Variants in ZNF148 observed in about 807,000 individuals in gnomAD.
ZNF148 encodes the protein zinc finger protein 148.
Under a neutral mutation model 67.7 loss-of-function variants are expected in ZNF148, and 7 were observed. The ratio of observed to expected loss-of-function variants is 0.10; its 90% CI spans 0.06 to 0.19. The LOEUF (loss-of-function observed/expected upper bound fraction) is 0.19. ZNF148 is among the 10% of genes least tolerant of loss of function. The pLI, the probability that ZNF148 is intolerant of heterozygous loss-of-function variation, is 1.00. For missense variants in ZNF148, 583 were observed against 947.1 expected (o/e 0.62, Z 5.05); for synonymous variants, 333 against 330.7 (o/e 1.01, Z -0.08).
At chr3:125,304,210 A>G (rs1939749971) in intron 4 of ZNF148, among the ~76,000 whole-genome samples, 1 of 152,096 alleles carries the variant, frequency 6.6e-6, no homozygotes, top group Admixed American at 6.6e-5. Context: ...ATAAGATGTC[A>G]AAGACCAAGC....
At chr3:125,339,266 CACG>C (rs1941620920) in intron 1 of ZNF148, among the ~76,000 whole-genome samples, 2 of 152,194 alleles carry the variant, frequency 1.3e-5, no homozygotes, top group South Asian at 4.1e-4. Flanking sequence ...AATGTAAAAG[CACG>C]ACAATTTATC....
At chr3:125,260,991 C>T (rs545745963) in intron 7 of ZNF148, among the ~76,000 whole-genome samples, 53 of 152,214 alleles carry the variant, frequency 3.5e-4, no homozygotes, top group African/African-American at 1.2e-3. Flanking sequence ...CTGATTACTT[C>T]AATTTGCTCA....
At chr3:125,360,501 G>C (rs1300228505) in intron 1 of ZNF148, among the ~76,000 whole-genome samples, 1 of 151,916 alleles carries the variant, frequency 6.6e-6, no homozygotes, top group African/African-American at 2.4e-5. Flanking sequence ...GCCCAGGCTG[G>C]TCTCGAACTC....
At chr3:125,328,553 T>C (rs1013834645) in intron 2 of ZNF148, among the ~76,000 whole-genome samples, 6 of 152,080 alleles carry the variant, frequency 3.9e-5, no homozygotes, top group Admixed American at 2.6e-4. Context: ...ATATACACTA[T>C]GTATGTTACC....
chr3:125,246,772 T>A (rs1464893774), intron 7 of ZNF148, among the ~76,000 whole-genome samples: 1 of 152,156 alleles, frequency 6.6e-6, no homozygotes, highest in East Asian at 1.9e-4. Context: ...AATGAAAATA[T>A]CCTTAAGCTG....
At chr3:125,303,875 C>A (rs1429132260) in intron 4 of ZNF148, among the ~76,000 whole-genome samples, 1 of 151,972 alleles carries the variant, frequency 6.6e-6, no homozygotes, top group Non-Finnish European at 1.5e-5. Context: ...AAGTACTCAA[C>A]ATGGGATACA....
At chr3:125,238,049 C>T (rs1018015887) in intron 7 of ZNF148, among the ~76,000 whole-genome samples, 1 of 152,062 alleles carries the variant, frequency 6.6e-6, no homozygotes, top group South Asian at 2.1e-4. Flanking sequence ...GTCTTTTCAA[C>T]AAATTTGATA....
Position 125,233,888 on chromosome 3 carries a change from T to A in ZNF148, c.838A>T (p.Asn280Tyr), listed in dbSNP as rs749170711. Residue 280 changes from asparagine to tyrosine, a missense_variant, in exon 9 of 9, where the codon AAT (asparagine) becomes TAT (tyrosine). Asn to Tyr is a moderately radical substitution (Grantham distance 143). Around this residue, in one of 5 missense-constraint regions of ZNF148, gnomAD observed 78 missense variants for 86.5 expected, o/e 0.90. Transcript: ENST00000360647. The surrounding 1 kb of genome is among the most constrained non-coding windows in gnomAD (Gnocchi z 5.1). ...VLKHKRMCHENHDKKLNRCAI... is the reference protein window; with the variant it reads ...VLKHKRMCHEYHDKKLNRCAI... ...CATCTATTTAGTTTTTTGTCATGATTTTCATGGCACATACGTTTATGTTTC... is the reference window on the plus strand; with the variant it reads ...CATCTATTTAGTTTTTTGTCATGATATTCATGGCACATACGTTTATGTTTC... 17 of 1,611,978 alleles carry A rather than the reference T, an allele frequency of 1.1e-5. No homozygotes were observed. The highest frequency in any genetic ancestry group is 1.2e-5 in the Non-Finnish European group (14 of 1,179,626).
intron 2 of ZNF148, among the ~76,000 whole-genome samples, chr3:125,326,774 C>A (rs1336578988): frequency 2.8e-5 from 4 of 143,508 alleles, no homozygotes; most frequent in Non-Finnish European, 4.5e-5. Context: ...ATATATATAT[C>A]TTTATATACA....
rs1296364662 is a variant in ZNF148 at position 125,337,016 on chromosome 3, CA to C, written c.-233-5779del. Reference sequence around the variant, plus strand: ...AAGCCATTTTCCATTTCTACTCTCACAAAAAAAAAAAAAAAAAATCAAGCCA... The same window carrying C: ...AAGCCATTTTCCATTTCTACTCTCACAAAAAAAAAAAAAAAAATCAAGCCA... On this transcript the variant is annotated intron_variant, in intron 1 of 8. Transcript: ENST00000360647. 8.0e-3 allele frequency among the ~76,000 whole-genome samples: 921 copies of C among 115,334 alleles called. 6 individuals carry two copies. Among genetic ancestry groups the C allele is most frequent in the African/African-American group, 0.023 (728 of 32,096 alleles). 75.7% of individuals were successfully genotyped at this position (115,334 alleles called of 152,430 possible).
At chr3:125,348,878 A>G (rs1942041678) in intron 1 of ZNF148, among the ~76,000 whole-genome samples, 1 of 152,214 alleles carries the variant, frequency 6.6e-6, no homozygotes, top group Admixed American at 6.5e-5. Context: ...TACTGGCATA[A>G]AAACAAAACA....
chr3:125,306,609 C>A (rs1939892426), intron 4 of ZNF148, among the ~76,000 whole-genome samples: 1 of 152,062 alleles, frequency 6.6e-6, no homozygotes, highest in Non-Finnish European at 1.5e-5. Context: ...TAATTTAAAA[C>A]CTTCCCACAG....
At chr3:125,309,755 TGAAA>T (rs1421348240) in intron 4 of ZNF148, among the ~76,000 whole-genome samples, 3 of 152,224 alleles carry the variant, frequency 2.0e-5, no homozygotes, top group Non-Finnish European at 4.4e-5. Flanking sequence ...AGAAACTATC[TGAAA>T]GATACACTGG....
At chr3:125,337,756 G>A (rs1481885517) in intron 1 of ZNF148, among the ~76,000 whole-genome samples, 1 of 152,090 alleles carries the variant, frequency 6.6e-6, no homozygotes, top group African/African-American at 2.4e-5. Context: ...GATGAAACAG[G>A]TTCAAGAGGT....
At chr3:125,308,543 A>C (rs895107761) in intron 4 of ZNF148, among the ~76,000 whole-genome samples, 5 of 151,830 alleles carry the variant, frequency 3.3e-5, no homozygotes, top group African/African-American at 1.2e-4. Context: ...AAAAAAAACA[A>C]AAACCTAAAA....
At chr3:125,327,058 T>G (rs1363634507) in intron 2 of ZNF148, among the ~76,000 whole-genome samples, 2 of 151,474 alleles carry the variant, frequency 1.3e-5, no homozygotes, top group Non-Finnish European at 2.9e-5. Flanking sequence ...AGTAAAAGGA[T>G]GGGAAAAAAA....
intron 7 of ZNF148, among the ~76,000 whole-genome samples, chr3:125,258,973 T>C (rs1487669098): frequency 6.6e-6 from 1 of 152,214 alleles, no homozygotes; most frequent in East Asian, 1.9e-4. Context: ...TTTTACTTTT[T>C]ATTTTATATT....
intron 1 of ZNF148, among the ~76,000 whole-genome samples, chr3:125,350,744 G>GTAAT (rs1422772141): frequency 3.3e-5 from 5 of 152,200 alleles, no homozygotes; most frequent in Admixed American, 2.6e-4. Flanking sequence ...AGCTCAGGCA[G>GTAAT]TAATGCTCAC....
rs184813610 is a variant in ZNF148, at chr3:125,340,762, G to A, written c.-233-9524C>T. On this transcript the variant is annotated intron_variant, in intron 1 of 8. Coordinates refer to ENST00000360647, the MANE Select transcript of ZNF148 (RefSeq NM_021964.3). The stretch of plus-strand genomic sequence containing the variant: ...AGCACTTTGGGAGGCCGAGGCGGGC[G>A]GATCACGAGGTCAGGAGATCGAGAC... 7.9e-3 allele frequency among the ~76,000 whole-genome samples: 1,204 copies of A among 151,930 alleles called. 17 individuals carry two copies. Among genetic ancestry groups the A allele is most frequent in the African/African-American group, 0.027 (1,131 of 41,436 alleles).
Sources: gnomAD v4.1 joint callset for allele counts (sites outside exome capture counted in the v4.1 genomes callset) on GRCh38, gnomAD v4.1.1 for gene constraint, gnomAD v4.1.1 regional missense constraint, Gnocchi (gnomAD v3.1) non-coding constraint, MANE v1.5 for transcripts, NCBI Gene and HGNC (gene_info 2026-07-23, HGNC 2026-07-21) for gene names.